The following DAO variants were observed in gnomAD, a reference collection of about 807,000 sequenced individuals.
DAO encodes D-amino-acid oxidase.
Under a neutral mutation model 50.1 loss-of-function variants are expected in DAO, and 51 were observed. The observed-to-expected ratio is 1.02, with a 90% CI of 0.81 to 1.29. The LOEUF (loss-of-function observed/expected upper bound fraction) is 1.29, where lower values mean the gene tolerates loss of function less well. DAO is among the 50% of genes most tolerant of loss of function. The pLI, the probability that DAO is intolerant of heterozygous loss-of-function variation, is 0.00. For missense variants in DAO, 436 were observed against 439.4 expected (o/e 0.99, Z 0.07); for synonymous variants, 160 against 166.2 (o/e 0.96, Z 0.29).
intron 1 of DAO, 126 bp from the exon 2 acceptor site, chr12:108,884,872 G>A: frequency 1.1e-6 from 1 of 874,360 alleles, no homozygotes; most frequent in Non-Finnish European, 1.9e-6. Flanking sequence ...TCATCGGGAA[G>A]GTCAAATATA....
intron 2 of DAO, among the ~76,000 whole-genome samples, chr12:108,886,362 G>A (rs2039436136): frequency 6.6e-6 from 1 of 151,918 alleles, no homozygotes. Context: ...CATCTAAGTG[G>A]GTGGATGGAT....
In DAO at chr12:108,894,373, T is replaced by A. The variant is rs1286735461; in HGVS notation, c.612+6T>A. On this transcript the variant is annotated splice_donor_region_variant and intron_variant, in intron 7 of 10. Transcript: ENST00000228476. The stretch of plus-strand genomic sequence containing the variant: ...GCCGGGGGCAGATCATGAAGGTGAG[T>A]GTGAGGGTGAGACCCCTACCTTTTG... 1 of 1,606,928 alleles carries A rather than the reference T, an allele frequency of 6.2e-7. No homozygotes were observed. The highest frequency in any genetic ancestry group is 1.3e-5 in the African/African-American group (1 of 74,848).
intron 6 of DAO, 71 bp from the exon 7 acceptor site, chr12:108,894,192 G>T (rs929030294): frequency 9.0e-5 from 105 of 1,163,890 alleles, no homozygotes; most frequent in Non-Finnish European, 1.3e-4. Flanking sequence ...AGAAGAAAGG[G>T]GAAGAGAGAA....
chr12:108,884,651 C>T (rs998239511), intron 1 of DAO, among the ~76,000 whole-genome samples: 1 of 152,142 alleles, frequency 6.6e-6, no homozygotes, highest in African/African-American at 2.4e-5. Context: ...GCCCATCGCA[C>T]TAACCACCGG....
intron 1 of DAO, chr12:108,883,698 TCCCTGAGAGGGG>T (rs58674839): frequency 0.023 from 10,301 of 454,150 alleles, 151 homozygotes; most frequent in Middle Eastern, 0.063. Context: ...AGACCAAGGG[TCCCTGAGAGGGG>T]CTGTCCCCTA....
intron 7 of DAO, among the ~76,000 whole-genome samples, chr12:108,895,229 CTGTG>C (rs985490647): frequency 4.3e-5 from 6 of 139,740 alleles, no homozygotes; most frequent in African/African-American, 1.5e-4. Flanking sequence ...CCTCCTCTTG[CTGTG>C]TGTGTGCATA....
chr12:108,900,784 T>A lies in DAO; in HGVS notation c.*249T>A. The stretch of plus-strand genomic sequence containing the variant: ...AAGAACAGCTGAGGCTGTCATTCCA[T>A]GAGTCTTCAGAAGAAAGGACAGCTC... On this transcript the variant is annotated 3_prime_UTR_variant, in exon 11 of 11. Transcript: ENST00000228476. 1 of 432,694 alleles carries A rather than the reference T, an allele frequency of 2.3e-6. No individual in the cohort carries two copies. 26.8% of individuals were successfully genotyped at this position (432,694 alleles called of 1,614,324 possible). A position where few individuals can be genotyped will look rare whatever the true frequency, so the allele number is the denominator to read the frequency against.
At chr12:108,899,510 T>G (rs537805560) in intron 10 of DAO, 35 bp downstream of exon 10, 1 of 1,546,228 alleles carries the variant, frequency 6.5e-7, no homozygotes, top group Admixed American at 1.7e-5. Flanking sequence ...AATGCCCTCT[T>G]CCACTCCTCA....
chr12:108,886,632 TTTTC>T (rs1018367786), intron 2 of DAO, among the ~76,000 whole-genome samples: 1 of 151,978 alleles, frequency 6.6e-6, no homozygotes, highest in African/African-American at 2.4e-5. Flanking sequence ...GCCTGGATAA[TTTTC>T]TTTATTTTTT....
intron 2 of DAO, among the ~76,000 whole-genome samples, chr12:108,887,145 C>G (rs562611447): frequency 6.6e-6 from 1 of 152,280 alleles, no homozygotes; most frequent in African/African-American, 2.4e-5. Context: ...ATCCCCAAAG[C>G]CAGGTCAAGG....
intron 9 of DAO, 48 bp from the exon 10 acceptor site, chr12:108,899,329 G>T (rs1389916281): frequency 7.0e-7 from 1 of 1,425,446 alleles, no homozygotes; most frequent in Non-Finnish European, 9.7e-7. Flanking sequence ...AAAAATGGCA[G>T]CAGGAAAAAA....
chr12:108,890,366 C>A (rs370363941), intron 5 of DAO, 93 bp downstream of exon 5: 1 of 980,716 alleles, frequency 1.0e-6, no homozygotes, highest in Non-Finnish European at 1.6e-6. Flanking sequence ...CATGGACTAA[C>A]CCCCAGGTTT....
At position 108,887,788 on chromosome 12, in the gene DAO, G is replaced by A. The variant is rs1233482094; in HGVS notation, c.309+224G>A. On this transcript the variant is annotated intron_variant, in intron 3 of 10. Transcript: ENST00000228476. ...ATTGGCAGAGGACAAAGAATCTTCT[G>A]ATGCCCAGGGGAAACTAGCCTTTGA... 2.0e-5 allele frequency among the ~76,000 whole-genome samples: 3 copies of A among 152,188 alleles called. No homozygotes were observed. The East Asian group carries it at 5.8e-4, about 29-fold the overall frequency.
intron 2 of DAO, among the ~76,000 whole-genome samples, chr12:108,886,408 T>C (rs1173772810): frequency 6.6e-6 from 1 of 152,184 alleles, no homozygotes; most frequent in Non-Finnish European, 1.5e-5. Context: ...AAGGTCATTA[T>C]GGTAGTTTAG....
rs888461072 is a variant in DAO at position 108,899,399 on chromosome 12, G to A, written c.836G>A (p.Arg279Gln). ...CAGAATGCAAGAATTATTGGTGAAC[G>A]AACTGGCTTCCGGCCAGTACGCCCC... is the stretch of plus-strand genomic sequence containing the variant. ...TLKNARIIGE[R>Q]TGFRPVRPQI... is the part of the protein sequence containing the mutation. Residue 279 changes from arginine (R) to glutamine (Q), a missense_variant, in exon 10 of 11, where the codon CGA (arginine) becomes CAA (glutamine). Transcript: ENST00000228476. The A allele has an allele frequency of 2.3e-5, 37 of 1,613,524 alleles. No homozygotes were observed. Among genetic ancestry groups the A allele is most frequent in the African/African-American group, 9.3e-5 (7 of 74,886 alleles).
intron 5 of DAO, among the ~76,000 whole-genome samples, chr12:108,891,112 C>T (rs987017291): frequency 1.3e-5 from 2 of 152,194 alleles, no homozygotes; most frequent in African/African-American, 4.8e-5. Context: ...TCAGCCACCA[C>T]GCCCAGCCTG....
chr12:108,900,234 T>G, intron 10 of DAO, 170 bp from the exon 11 acceptor site: 2 of 725,748 alleles, frequency 2.8e-6, no homozygotes, highest in Non-Finnish European at 4.7e-6. Flanking sequence ...CTTGCAACTG[T>G]TCCAGGGGGT....
intron 3 of DAO, among the ~76,000 whole-genome samples, chr12:108,888,469 G>A (rs992626406): frequency 6.6e-6 from 1 of 151,870 alleles, no homozygotes; most frequent in African/African-American, 2.4e-5. Flanking sequence ...CTGAGTAATT[G>A]GGATTACAGG....
chr12:108,893,083 A>C, intron 6 of DAO, 47 bp downstream of exon 6: 8 of 1,557,142 alleles, frequency 5.1e-6, no homozygotes, highest in Non-Finnish European at 7.1e-6. Context: ...AGAAGAGGGG[A>C]GGCCTCTGCT....
Sources: allele counts gnomAD v4.1 joint callset (sites outside exome capture counted in the v4.1 genomes callset), GRCh38; gene constraint gnomAD v4.1.1; transcripts MANE v1.5; gene names NCBI Gene and HGNC (gene_info 2026-07-23, HGNC 2026-07-21).